The following NFAT5 variants were observed in gnomAD, a reference collection of about 807,000 sequenced individuals.
NFAT5 encodes nuclear factor of activated T cells 5.
Under a neutral mutation model 166.5 loss-of-function variants are expected in NFAT5, and 31 were observed. That is an observed-to-expected ratio of 0.19 (90% CI 0.14 to 0.25). The LOEUF (loss-of-function observed/expected upper bound fraction) is 0.25. NFAT5 is among the 10% of genes least tolerant of loss of function. NFAT5 has a pLI of 1.00. For missense variants in NFAT5, 1,449 were observed against 1,821.8 expected, an observed-to-expected ratio of 0.80 and a Z score of 3.72; for synonymous variants, 612 against 639.7, an observed-to-expected ratio of 0.96 and a Z score of 0.65.
chr16:69,615,274 C>T (rs2033891580), intron 2 of NFAT5, among the ~76,000 whole-genome samples: 1 of 152,204 alleles, frequency 6.6e-6, no homozygotes, highest in Non-Finnish European at 1.5e-5. Context: ...CTTGTGACCT[C>T]AGGTGATCTG....
At chr16:69,571,183 A>G (rs1332205389) in intron 2 of NFAT5, among the ~76,000 whole-genome samples, 1 of 148,244 alleles carries the variant, frequency 6.7e-6, no homozygotes, top group Non-Finnish European at 1.5e-5. Context: ...ATACACCTGT[A>G]ATACCAACTA....
intron 2 of NFAT5, among the ~76,000 whole-genome samples, chr16:69,569,324 CAA>C (rs368222174): frequency 2.3e-4 from 28 of 123,050 alleles, no homozygotes; most frequent in Admixed American, 3.2e-4. Flanking sequence ...ATTAAGAAAC[CAA>C]AAAAAAAAAA....
intron 10 of NFAT5, among the ~76,000 whole-genome samples, chr16:69,683,319 C>T (rs1401507630): frequency 6.6e-6 from 1 of 152,074 alleles, no homozygotes; most frequent in Non-Finnish European, 1.5e-5. Context: ...ATTGCTTGTG[C>T]TCAGCAGTTT....
At chr16:69,586,371 A>G (rs2032064099) in intron 2 of NFAT5, among the ~76,000 whole-genome samples, 1 of 152,102 alleles carries the variant, frequency 6.6e-6, no homozygotes, top group Non-Finnish European at 1.5e-5. Flanking sequence ...AAAATTCATG[A>G]GGCGTAGACA....
intron 12 of NFAT5, among the ~76,000 whole-genome samples, chr16:69,691,379 T>C (rs1339978769): frequency 1.3e-5 from 2 of 152,190 alleles, no homozygotes; most frequent in Non-Finnish European, 2.9e-5. Context: ...TTCTTTTTTT[T>C]ACTTGTCTTA....
Position 69,693,472 on chromosome 16 carries a change from A to G in NFAT5, c.3647A>G (p.Gln1216Arg). ...ISHIQTPMLS[Q>R]EQAQPPQQGL... Reference sequence around the variant, plus strand: ...CACATCCAGACTCCTATGCTTTCCCAAGAACAGGCACAACCCCCGCAGCAG... The same window carrying G: ...CACATCCAGACTCCTATGCTTTCCCGAGAACAGGCACAACCCCCGCAGCAG... Residue 1216 changes from glutamine to arginine, a missense_variant, in exon 13 of 15, where the codon CAA becomes CGA. By Grantham distance (43) the Gln-to-Arg change is conservative. Coordinates refer to ENST00000349945, the MANE Select transcript of NFAT5 (RefSeq NM_138713.4). The G allele has an allele frequency of 6.2e-7, 1 of 1,614,162 alleles. No homozygotes were observed. Among genetic ancestry groups the G allele is most frequent in the Non-Finnish European group, 8.5e-7 (1 of 1,180,032 alleles).
intron 2 of NFAT5, among the ~76,000 whole-genome samples, chr16:69,624,262 A>G (rs567983940): frequency 1.2e-4 from 18 of 152,038 alleles, no homozygotes; most frequent in Admixed American, 3.3e-4. Flanking sequence ...CTGGAGTGCA[A>G]TGGCGTGATC....
intron 3 of NFAT5, among the ~76,000 whole-genome samples, chr16:69,644,311 A>T (rs1001486595): frequency 6.6e-6 from 1 of 152,020 alleles, no homozygotes; most frequent in Non-Finnish European, 1.5e-5. Flanking sequence ...TTTACAGTTT[A>T]AAAAAAATTA....
intron 2 of NFAT5, among the ~76,000 whole-genome samples, chr16:69,572,647 T>C (rs2016510902): frequency 6.6e-6 from 1 of 151,730 alleles, no homozygotes; most frequent in African/African-American, 2.4e-5. Flanking sequence ...AATAGAGAAA[T>C]ATAAGATTAT....
In NFAT5 at chr16:69,655,807, C is replaced by G. The variant is rs770118580; in HGVS notation, c.1196+8C>G. On this transcript the variant is annotated splice_region_variant and intron_variant, in intron 6 of 14. Coordinates refer to ENST00000349945, the MANE Select transcript of NFAT5 (RefSeq NM_138713.4). ...CAACAACATGACACTGGCGTAAGTA[C>G]TTAGTAAGAATTTTTCATTATACAT... 1.2e-6 allele frequency: 2 copies of G among 1,604,592 alleles called. No homozygotes were observed. The highest frequency in any genetic ancestry group is 1.7e-5 in the Admixed American group (1 of 59,284).
intron 11 of NFAT5, among the ~76,000 whole-genome samples, chr16:69,688,202 CAAAAAAAA>C (rs1188158260): frequency 3.6e-4 from 18 of 49,514 alleles, no homozygotes; most frequent in African/African-American, 8.2e-4. Flanking sequence ...GACTCCGTCT[CAAAAAAAA>C]AAAAAAAAAA....
intron 2 of NFAT5, among the ~76,000 whole-genome samples, chr16:69,569,362 CT>C (rs1173378899): frequency 6.7e-6 from 1 of 149,584 alleles, no homozygotes; most frequent in African/African-American, 2.5e-5. Context: ...AGAAATAATA[CT>C]TTCTGCGTTT....
rs2037194301 is a variant in NFAT5 at position 69,684,272 on chromosome 16, A to AAAAAT, written c.1691-614_1691-610dup. On this transcript the variant is annotated intron_variant, in intron 10 of 14. Transcript: ENST00000349945. Reference sequence around the variant, plus strand: ...GACTGCCTCAAAAAAAAAAAAAAAAAAAAATTGGCTGGGCACGGTGGCTCA... The same window carrying AAAAAT: ...GACTGCCTCAAAAAAAAAAAAAAAAAAAAATAAAATTGGCTGGGCACGGTGGCTCA... 2.0e-5 allele frequency among the ~76,000 whole-genome samples: 3 copies of AAAAAT among 149,144 alleles called. No individual in the cohort carries two copies. In the South Asian group the frequency reaches 6.4e-4, roughly 32 times the overall value.
At chr16:69,568,374 G>GTGTGTGTA in intron 1 of NFAT5, 121 bp from the exon 2 acceptor site, 1 of 359,106 alleles carries the variant, frequency 2.8e-6, no homozygotes, top group South Asian at 2.9e-5. Context: ...GTGTGTGTGT[G>GTGTGTGTA]TGTATATATA....
chr16:69,688,212 A>AAACAAAC (rs1555533467), intron 11 of NFAT5, among the ~76,000 whole-genome samples: 36 of 124,778 alleles, frequency 2.9e-4, no homozygotes, highest in South Asian at 1.9e-3. Context: ...CAAAAAAAAA[A>AAACAAAC]AAAAAAAAAA....
chr16:69,591,447 A>G (rs1034141301), intron 2 of NFAT5, among the ~76,000 whole-genome samples: 2 of 152,202 alleles, frequency 1.3e-5, no homozygotes, highest in Non-Finnish European at 2.9e-5. Flanking sequence ...TAAGGGGAAA[A>G]GGACAGGATT....
intron 7 of NFAT5, among the ~76,000 whole-genome samples, chr16:69,666,513 C>T (rs2036387591): frequency 6.6e-6 from 1 of 152,062 alleles, no homozygotes; most frequent in Non-Finnish European, 1.5e-5. Context: ...GGGCGAAGGA[C>T]ATGAACAGAC....
intron 7 of NFAT5, among the ~76,000 whole-genome samples, chr16:69,660,742 T>A (rs1359726110): frequency 6.6e-6 from 1 of 152,140 alleles, no homozygotes; most frequent in African/African-American, 2.4e-5. Flanking sequence ...ATAATTGTAG[T>A]TTCTCTCTAA....
At chr16:69,651,913 C>G (rs538698893) in intron 4 of NFAT5, among the ~76,000 whole-genome samples, 9 of 152,106 alleles carry the variant, frequency 5.9e-5, no homozygotes, top group Admixed American at 2.0e-4. Context: ...CTCAGGTGAT[C>G]CACCCCGCTT....
Sources: gnomAD v4.1 joint callset for allele counts (sites outside exome capture counted in the v4.1 genomes callset) on GRCh38, gnomAD v4.1.1 for gene constraint, MANE v1.5 for transcripts, NCBI Gene and HGNC (gene_info 2026-07-23, HGNC 2026-07-21) for gene names.